DOCK5: variants seen among roughly 807,000 people sequenced by gnomAD.
The protein encoded by DOCK5 is dedicator of cytokinesis protein 5.
A neutral mutation model predicts 251.8 loss-of-function variants in DOCK5; 142 were observed. The observed-to-expected ratio is 0.56, with a 90% CI of 0.49 to 0.65. The LOEUF (loss-of-function observed/expected upper bound fraction) is 0.65, where lower values mean the gene tolerates loss of function less well. Ranked by LOEUF, DOCK5 falls within the 30% of genes least tolerant of loss-of-function variation. DOCK5 has a pLI of 0.00. For synonymous variants in DOCK5, 842 were observed against 835.5 expected (o/e 1.01, Z -0.13); for missense variants, 2,111 against 2,312.3 (o/e 0.91, Z 1.79).
At position 25,292,016 on chromosome 8, in the gene DOCK5, C is replaced by T; in HGVS notation, c.322-8C>T. 1.9e-6 allele frequency: 3 copies of T among 1,556,364 alleles called. No individual in the cohort carries two copies. Among genetic ancestry groups the T allele is most frequent in the Non-Finnish European group, 2.6e-6 (3 of 1,152,092 alleles). Reference sequence around the variant, plus strand: ...GAATCTTTTCTTCATCATATTTTCTCATCTTAGAACAACAAGCTCACCCTC... The same window carrying T: ...GAATCTTTTCTTCATCATATTTTCTTATCTTAGAACAACAAGCTCACCCTC... On this transcript the variant is annotated splice_region_variant and splice_polypyrimidine_tract_variant and intron_variant, in intron 5 of 51. Coordinates refer to ENST00000276440, the MANE Select transcript of DOCK5 (RefSeq NM_024940.8).
At chr8:25,349,436 A>AT (rs1235082788) in intron 26 of DOCK5, among the ~76,000 whole-genome samples, 10 of 152,226 alleles carry the variant, frequency 6.6e-5, no homozygotes, top group African/African-American at 9.6e-5. Flanking sequence ...CCAAAGGAAA[A>AT]TAAGTCATTA....
chr8:25,304,160 C>T, intron 10 of DOCK5, 95 bp from the exon 11 acceptor site: 1 of 1,015,308 alleles, frequency 9.8e-7, no homozygotes, highest in Non-Finnish European at 1.4e-6. Context: ...TTTCTTCCTG[C>T]AGTGTTTGAT....
intron 1 of DOCK5, among the ~76,000 whole-genome samples, chr8:25,227,682 C>T (rs118145143): frequency 0.012 from 1,814 of 152,212 alleles, 23 homozygotes; most frequent in Middle Eastern, 0.037. Flanking sequence ...AAGTGAGGTT[C>T]TAATCCTATT....
chr8:25,362,148 C>T (rs1278086251), intron 28 of DOCK5, among the ~76,000 whole-genome samples: 1 of 152,184 alleles, frequency 6.6e-6, no homozygotes, highest in African/African-American at 2.4e-5. Flanking sequence ...CCGTTTAGGA[C>T]CTTTCTTCCA....
intron 1 of DOCK5, among the ~76,000 whole-genome samples, chr8:25,228,586 A>G (rs1438571059): frequency 6.6e-6 from 1 of 152,186 alleles, no homozygotes; most frequent in Non-Finnish European, 1.5e-5. Flanking sequence ...TTCTAGAAAA[A>G]GGATTGTAGC....
At position 25,334,123 on chromosome 8, in the gene DOCK5, A is replaced by T. The variant is rs756037209; in HGVS notation, c.2119A>T (p.Ile707Phe). Residue 707 changes from isoleucine to phenylalanine, a missense_variant, in exon 21 of 52, where the codon ATC becomes TTC. Physicochemically the swap from Ile to Phe is conservative, Grantham distance 21. This residue lies in a region of DOCK5 where 1,717 missense variants were observed against 1,892.4 expected (regional missense o/e 0.91). Transcript: ENST00000276440. ...LVFIISLIGD[I>F]KFQHFNPVLE... is the part of the protein sequence containing the mutation. ...ATTTATTATTTCACTGATAGGAGAC[A>T]TCAAGTTCCAGCATTTTAATCCTGT... 6.2e-7 allele frequency: 1 copy of T among 1,613,904 alleles called. No homozygotes were observed. Among genetic ancestry groups the T allele is most frequent in the Non-Finnish European group, 8.5e-7 (1 of 1,179,814 alleles).
intron 9 of DOCK5, among the ~76,000 whole-genome samples, chr8:25,301,096 C>CA (rs1002313386): frequency 7.3e-5 from 11 of 151,130 alleles, no homozygotes; most frequent in South Asian, 2.1e-4. Context: ...GCTGGCAATT[C>CA]GGATATGCCA....
intron 1 of DOCK5, among the ~76,000 whole-genome samples, chr8:25,220,343 C>T (rs564508649): frequency 1.1e-4 from 16 of 152,192 alleles, no homozygotes; most frequent in South Asian, 8.3e-4. Flanking sequence ...GGCATGTTGA[C>T]GGGTGGACTT....
At chr8:25,348,255 T>C (rs1800405244) in intron 26 of DOCK5, among the ~76,000 whole-genome samples, 1 of 152,220 alleles carries the variant, frequency 6.6e-6, no homozygotes, top group Non-Finnish European at 1.5e-5. Context: ...AGCTCTGTTT[T>C]GGAATTGTCC....
chr8:25,241,651 G>A (rs1186948342), intron 1 of DOCK5, among the ~76,000 whole-genome samples: 1 of 151,990 alleles, frequency 6.6e-6, no homozygotes, highest in African/African-American at 2.4e-5. Context: ...CCCATTACTG[G>A]GTATATACCC....
Position 25,289,167 on chromosome 8 carries a change from G to A in DOCK5, c.322-2857G>A, listed in dbSNP as rs144501093. On this transcript the variant is annotated intron_variant, in intron 5 of 51. Transcript: ENST00000276440. ...TTATTCTTTGTTAAGGAGTATTTTGGATGTTTTCAGCCCTGTTTCTAGTCT... is the reference window on the plus strand; with the variant it reads ...TTATTCTTTGTTAAGGAGTATTTTGAATGTTTTCAGCCCTGTTTCTAGTCT... Among the ~76,000 whole-genome samples the A allele has an allele frequency of 7.2e-5, 11 of 152,166 alleles. No homozygotes were observed. In the East Asian group the frequency reaches 2.1e-3, roughly 30 times the overall value.
intron 48 of DOCK5, among the ~76,000 whole-genome samples, chr8:25,404,273 A>G (rs909242750): frequency 1.3e-5 from 2 of 152,054 alleles, no homozygotes; most frequent in Non-Finnish European, 2.9e-5. Context: ...TTTTTCATTT[A>G]ATATTATATC....
chr8:25,205,893 T>C (rs891391557), intron 1 of DOCK5, among the ~76,000 whole-genome samples: 1 of 152,224 alleles, frequency 6.6e-6, no homozygotes, highest in Middle Eastern at 3.2e-3. Context: ...ATACTTCTCC[T>C]AACACTTAAG....
At chr8:25,197,157 T>C (rs1163451018) in intron 1 of DOCK5, among the ~76,000 whole-genome samples, 1 of 152,168 alleles carries the variant, frequency 6.6e-6, no homozygotes, top group South Asian at 2.1e-4. Context: ...TGGGAGTCCT[T>C]TGACTGATTT....
intron 1 of DOCK5, among the ~76,000 whole-genome samples, chr8:25,187,710 C>A (rs571156784): frequency 1.3e-5 from 2 of 152,030 alleles, no homozygotes; most frequent in Admixed American, 1.3e-4. Context: ...CATTATCTCT[C>A]GAGGCTTCTT....
Position 25,364,626 on chromosome 8 carries a change from G to A in DOCK5, c.3045G>A (p.Arg1015=), listed in dbSNP as rs1054548445. The A allele has an allele frequency of 1.9e-6, 3 of 1,596,344 alleles. No individual in the cohort carries two copies. The highest frequency in any genetic ancestry group is 2.6e-6 in the Non-Finnish European group (3 of 1,169,442). Residue 1015 remains arginine (R), a splice_region_variant and synonymous_variant, in exon 30 of 52, where the codon AGG becomes AGA. Coordinates refer to ENST00000276440, the MANE Select transcript of DOCK5 (RefSeq NM_024940.8). ...TTTATCTGGTGTTTTCCTTCCGCAG[G>A]GTTTTTCTCCGTGCTATAAATCAGT... The part of the protein sequence containing the change: ...DWMVMNMTQN[R]VFLRAINQFA...
At chr8:25,348,392 A>G (rs1800407050) in intron 26 of DOCK5, among the ~76,000 whole-genome samples, 1 of 152,086 alleles carries the variant, frequency 6.6e-6, no homozygotes, top group Non-Finnish European at 1.5e-5. Flanking sequence ...CACTTTGTAC[A>G]TTGAGTTAGG....
At chr8:25,219,794 ATCT>A (rs1802335534) in intron 1 of DOCK5, among the ~76,000 whole-genome samples, 1 of 151,696 alleles carries the variant, frequency 6.6e-6, no homozygotes, top group Non-Finnish European at 1.5e-5. Context: ...AGGTTCTAAA[ATCT>A]TCTCTTTATT....
chr8:25,334,156 A>G lies in DOCK5; in HGVS notation c.2152A>G (p.Thr718Ala), dbSNP rs779224941. The G allele has an allele frequency of 1.2e-6, 2 of 1,613,812 alleles. No individual in the cohort carries two copies. Among genetic ancestry groups the G allele is most frequent in the Non-Finnish European group, 1.7e-6 (2 of 1,179,840 alleles). ...KFQHFNPVLE[T>A]YIYKHFSATL... ...CCAGCATTTTAATCCTGTACTTGAA[A>G]CCTACATTTACAAGCACTTCAGCGC... The change falls in exon 21 of 52, where the codon ACC becomes GCC. Residue 718 changes from threonine (T) to alanine (A), a missense_variant. Thr to Ala is a moderately conservative substitution (Grantham distance 58). Coordinates refer to ENST00000276440, the MANE Select transcript of DOCK5 (RefSeq NM_024940.8).
Sources: gnomAD v4.1 joint callset for allele counts (sites outside exome capture counted in the v4.1 genomes callset) on GRCh38, gnomAD v4.1.1 for gene constraint, gnomAD v4.1.1 regional missense constraint, MANE v1.5 for transcripts, NCBI Gene and HGNC (gene_info 2026-07-23, HGNC 2026-07-21) for gene names.